Variants in PDE4D observed in about 807,000 individuals in gnomAD.
PDE4D encodes 3',5'-cyclic-AMP phosphodiesterase 4D.
A neutral mutation model predicts 87.4 loss-of-function variants in PDE4D; 24 were observed. The observed-to-expected ratio is 0.27, with a 90% confidence interval of 0.20 to 0.39. The LOEUF is 0.39. Ranked by LOEUF, PDE4D falls within the 10% of genes least tolerant of loss-of-function variation. The pLI, the probability that PDE4D is intolerant of heterozygous loss-of-function variation, is 1.00. For synonymous variants in PDE4D, 384 were observed against 383.2 expected (o/e 1.00, Z -0.02); for missense variants, 714 against 1,041.0 (o/e 0.69, Z 4.32).
chr5:59,928,351 G>A (rs1419511158), intron 3 of PDE4D, among the ~76,000 whole-genome samples: 1 of 152,162 alleles, frequency 6.6e-6, no homozygotes, highest in Admixed American at 6.5e-5. Flanking sequence ...GCTGAGGTGG[G>A]CAGATGACCT....
chr5:59,388,626 T>TACACACACACACACAC (rs71604788), intron 1 of PDE4D, among the ~76,000 whole-genome samples: 3,921 of 148,196 alleles, frequency 0.026, 85 homozygotes, highest in Middle Eastern at 0.045. Context: ...GAAAATGTGG[T>TACACACACACACACAC]ACACACACAC....
intron 1 of PDE4D, among the ~76,000 whole-genome samples, chr5:59,877,498 A>G (rs7716810): frequency 0.18 from 24,043 of 137,092 alleles, 3,942 homozygotes; most frequent in African/African-American, 0.44. Flanking sequence ...AAAAAAAAAA[A>G]AAGAAGAAGA....
At chr5:59,012,533 A>G (rs1753043316) in intron 6 of PDE4D, among the ~76,000 whole-genome samples, 1 of 152,246 alleles carries the variant, frequency 6.6e-6, no homozygotes, top group Admixed American at 6.5e-5. Flanking sequence ...CTTTAAACCA[A>G]CAAAGATCAG....
intron 2 of PDE4D, among the ~76,000 whole-genome samples, chr5:60,098,024 A>G (rs1775846356): frequency 6.6e-6 from 1 of 151,942 alleles, no homozygotes; most frequent in South Asian, 2.1e-4. Flanking sequence ...CCAGTATCTG[A>G]TGAATGTCTG....
intron 2 of PDE4D, among the ~76,000 whole-genome samples, chr5:60,042,014 C>T (rs1365663391): frequency 1.3e-5 from 2 of 152,002 alleles, no homozygotes; most frequent in African/African-American, 4.8e-5. Flanking sequence ...TCTAGCTCAG[C>T]GGATCCCACC....
intron 1 of PDE4D, among the ~76,000 whole-genome samples, chr5:60,497,648 C>T (rs1450281621): frequency 6.6e-6 from 1 of 152,112 alleles, no homozygotes; most frequent in African/African-American, 2.4e-5. Context: ...ATGAGACCCT[C>T]CCACCTTGGC....
intron 1 of PDE4D, among the ~76,000 whole-genome samples, chr5:59,724,871 A>C (rs906985726): frequency 1.3e-5 from 2 of 152,180 alleles, no homozygotes; most frequent in Admixed American, 6.6e-5. Context: ...AATATATAAC[A>C]ACATTAAATT....
At chr5:59,348,136 T>C (rs1001684579) in intron 1 of PDE4D, among the ~76,000 whole-genome samples, 1 of 152,164 alleles carries the variant, frequency 6.6e-6, no homozygotes, top group African/African-American at 2.4e-5. Context: ...CAGTTGTTAA[T>C]ACCCAACAGT....
chr5:59,558,090 T>C (rs1039540713), intron 1 of PDE4D, among the ~76,000 whole-genome samples: 2 of 152,222 alleles, frequency 1.3e-5, no homozygotes, highest in African/African-American at 4.8e-5. Context: ...TTGCAAACCA[T>C]GCTTTCATTT....
chr5:59,420,322 G>T (rs1238791226), intron 1 of PDE4D, among the ~76,000 whole-genome samples: 2 of 152,062 alleles, frequency 1.3e-5, no homozygotes, highest in Non-Finnish European at 2.9e-5. Context: ...AGTAAAAATG[G>T]CAATTTACCT....
chr5:59,798,972 G>C (rs146451027), intron 1 of PDE4D, among the ~76,000 whole-genome samples: 19 of 152,256 alleles, frequency 1.2e-4, no homozygotes, highest in African/African-American at 4.3e-4. Context: ...TGGAGAGAAA[G>C]CAGAACTTTT....
At chr5:60,189,291 A>C (rs1785026305) in intron 1 of PDE4D, among the ~76,000 whole-genome samples, 1 of 152,228 alleles carries the variant, frequency 6.6e-6, no homozygotes, top group South Asian at 2.1e-4. Context: ...GTGTCAATGC[A>C]AAGGGAATTA....
intron 1 of PDE4D, among the ~76,000 whole-genome samples, chr5:59,814,663 A>G (rs971652400): frequency 6.6e-6 from 1 of 152,188 alleles, no homozygotes; most frequent in African/African-American, 2.4e-5. Flanking sequence ...AAAAACAACA[A>G]ATAAAATCCA....
At chr5:59,029,880 C>G (rs1347938354) in intron 6 of PDE4D, among the ~76,000 whole-genome samples, 1 of 152,060 alleles carries the variant, frequency 6.6e-6, no homozygotes, top group Non-Finnish European at 1.5e-5. Flanking sequence ...AGAAGTAAAT[C>G]CAAGTATTTA....
intron 1 of PDE4D, among the ~76,000 whole-genome samples, chr5:59,564,079 A>G (rs1241984539): frequency 6.6e-6 from 1 of 152,188 alleles, no homozygotes; most frequent in Non-Finnish European, 1.5e-5. Flanking sequence ...TCTGCCACTT[A>G]CAAGTCATGT....
intron 1 of PDE4D, among the ~76,000 whole-genome samples, chr5:59,823,309 C>T (rs1444912647): frequency 6.6e-6 from 1 of 152,172 alleles, no homozygotes; most frequent in Admixed American, 6.5e-5. Flanking sequence ...AGCAATTTCC[C>T]CCACATTTCA....
chr5:59,451,055 T>G (rs1418155383), intron 1 of PDE4D, among the ~76,000 whole-genome samples: 1 of 152,228 alleles, frequency 6.6e-6, no homozygotes, highest in Non-Finnish European at 1.5e-5. Flanking sequence ...CCTTTGTACT[T>G]ACACCTCAAC....
chr5:59,064,651 A>T (rs6450502), intron 5 of PDE4D, among the ~76,000 whole-genome samples: 22,922 of 152,026 alleles, frequency 0.15, 3,316 homozygotes, highest in African/African-American at 0.37. Context: ...TCTCTATTAA[A>T]CCTCTCTAAA....
intron 3 of PDE4D, among the ~76,000 whole-genome samples, chr5:59,942,102 G>A (rs1177606353): frequency 1.3e-5 from 2 of 152,202 alleles, no homozygotes; most frequent in African/African-American, 4.8e-5. Context: ...AGCAGTCTTG[G>A]TTTAAATACC....
Sources: allele counts gnomAD v4.1 joint callset (sites outside exome capture counted in the v4.1 genomes callset), GRCh38; gene constraint gnomAD v4.1.1; transcripts MANE v1.5; gene names NCBI Gene and HGNC (gene_info 2026-07-23, HGNC 2026-07-21).